CNBD1: variants seen among roughly 807,000 people sequenced by gnomAD.
CNBD1 encodes the protein cyclic nucleotide-binding domain-containing protein 1.
Under a neutral mutation model 54.4 loss-of-function variants are expected in CNBD1, and 71 were observed. The observed-to-expected ratio is 1.30, with a 90% confidence interval of 1.08 to 1.59. The LOEUF is 1.59. Among genes scored for constraint, CNBD1 ranks in the 40% most tolerant of loss-of-function variants. CNBD1 has a pLI of 0.00. For synonymous variants in CNBD1, 182 were observed against 170.7 expected, an observed-to-expected ratio of 1.07 and a Z score of -0.51; for missense variants, 659 against 518.0, an observed-to-expected ratio of 1.27 and a Z score of -2.64.
intron 3 of CNBD1, among the ~76,000 whole-genome samples, chr8:86,929,707 A>G (rs562137780): frequency 6.6e-6 from 1 of 152,324 alleles, no homozygotes; most frequent in South Asian, 2.1e-4. Flanking sequence ...CAGTTGTCTG[A>G]TAGTCATAAA....
rs1053664901 is a variant in CNBD1 at position 87,212,509 on chromosome 8, T to G, written c.577+6371T>G. Among the ~76,000 whole-genome samples the G allele has an allele frequency of 2.0e-5, 3 of 152,118 alleles. No homozygotes were observed. The East Asian group carries it at 5.8e-4, about 29-fold the overall frequency. ...AAAGTGTGATATTGGCATAAATATA[T>G]AGAGAGATCAATGGAACAGATTGAG... On this transcript the variant is annotated intron_variant, in intron 5 of 10. Coordinates refer to ENST00000518476, the MANE Select transcript of CNBD1 (RefSeq NM_173538.3).
intron 4 of CNBD1, among the ~76,000 whole-genome samples, chr8:87,027,966 C>T (rs1349669049): frequency 2.6e-5 from 4 of 152,126 alleles, no homozygotes; most frequent in African/African-American, 7.2e-5. Context: ...AAATTCCTTA[C>T]GAATTTCTCA....
At chr8:87,309,934 A>G (rs1809230020) in intron 8 of CNBD1, among the ~76,000 whole-genome samples, 17 of 152,194 alleles carry the variant, frequency 1.1e-4, no homozygotes, top group Admixed American at 1.1e-3. Flanking sequence ...GTACCTAGAA[A>G]CCCCTAAAAA....
intron 4 of CNBD1, among the ~76,000 whole-genome samples, chr8:87,188,197 A>G (rs1813519914): frequency 6.6e-6 from 1 of 152,100 alleles, no homozygotes; most frequent in Non-Finnish European, 1.5e-5. Flanking sequence ...TCTGGGAAAC[A>G]TTTGCGAATG....
At chr8:87,002,126 T>G (rs1809005368) in intron 4 of CNBD1, among the ~76,000 whole-genome samples, 1 of 152,172 alleles carries the variant, frequency 6.6e-6, no homozygotes, top group Non-Finnish European at 1.5e-5. Flanking sequence ...CTCTTTTCTC[T>G]CATACCTTAT....
intron 4 of CNBD1, among the ~76,000 whole-genome samples, chr8:87,156,182 G>GT (rs763649247): frequency 3.3e-5 from 5 of 150,218 alleles, no homozygotes; most frequent in Non-Finnish European, 7.4e-5. Flanking sequence ...AATAGAAGCT[G>GT]AAGAGTTTCC....
In CNBD1 at chr8:87,354,654, G is replaced by T. The variant is rs532717230; in HGVS notation, c.1303+868G>T. Among the ~76,000 whole-genome samples the T allele has an allele frequency of 1.1e-3, 165 of 151,976 alleles. 2 individuals carry two copies. The highest frequency in any genetic ancestry group is 3.7e-3 in the African/African-American group (154 of 41,460). On this transcript the variant is annotated intron_variant, in intron 10 of 10. Coordinates refer to ENST00000518476, the MANE Select transcript of CNBD1 (RefSeq NM_173538.3). ...TCCCACCTATGAGTGAGAACATGCG[G>T]TGTTTGGTTTTTTGTCCTTGTGATA...
At chr8:87,315,800 G>A (rs556917641) in intron 8 of CNBD1, among the ~76,000 whole-genome samples, 47 of 152,022 alleles carry the variant, frequency 3.1e-4, no homozygotes, top group East Asian at 2.9e-3. Context: ...AGCACAGTAG[G>A]GTGATAATAG....
At chr8:87,046,001 A>G (rs1277615501) in intron 4 of CNBD1, among the ~76,000 whole-genome samples, 6 of 144,396 alleles carry the variant, frequency 4.2e-5, no homozygotes, top group African/African-American at 1.6e-4. Flanking sequence ...AGGTCGTGCC[A>G]CTGCACTCCA....
intron 5 of CNBD1, among the ~76,000 whole-genome samples, chr8:87,220,496 C>T (rs965551298): frequency 2.7e-5 from 4 of 146,812 alleles, no homozygotes; most frequent in Non-Finnish European, 6.0e-5. Context: ...CCTAACTGTC[C>T]AAGTTTTTTT....
intron 8 of CNBD1, among the ~76,000 whole-genome samples, chr8:87,323,804 TG>T: frequency 8.2e-6 from 1 of 122,440 alleles, no homozygotes; most frequent in Admixed American, 7.9e-5. Flanking sequence ...TTCCTTCTCC[TG>T]CCTGATTGCC....
chr8:87,231,501 A>C (rs1336344365), intron 5 of CNBD1, among the ~76,000 whole-genome samples: 1 of 152,166 alleles, frequency 6.6e-6, no homozygotes, highest in Non-Finnish European at 1.5e-5. Flanking sequence ...CAGTTTCCTC[A>C]GTTGTAAAGT....
intron 4 of CNBD1, among the ~76,000 whole-genome samples, chr8:87,124,919 G>T (rs1449678762): frequency 2.6e-5 from 4 of 151,320 alleles, no homozygotes; most frequent in Non-Finnish European, 3.0e-5. Flanking sequence ...TACCCCTAAA[G>T]AATTTGTTAC....
At chr8:86,976,156 T>G (rs1157737017) in intron 4 of CNBD1, among the ~76,000 whole-genome samples, 1 of 151,080 alleles carries the variant, frequency 6.6e-6, no homozygotes, top group Non-Finnish European at 1.5e-5. Context: ...TTTGCAAATA[T>G]TTTCTCTCAG....
At chr8:86,885,340 G>A (rs1237028110) in intron 1 of CNBD1, among the ~76,000 whole-genome samples, 1 of 151,890 alleles carries the variant, frequency 6.6e-6, no homozygotes, top group Non-Finnish European at 1.5e-5. Flanking sequence ...AAAGATAATC[G>A]GTTTTTTAAT....
chr8:87,045,681 C>G (rs7833758), intron 4 of CNBD1, among the ~76,000 whole-genome samples: 29,563 of 146,030 alleles, frequency 0.2, 3,070 homozygotes, highest in Non-Finnish European at 0.23. Flanking sequence ...GCTAAGATTG[C>G]GCCACTGCAC....
chr8:86,987,846 A>T (rs527854227), intron 4 of CNBD1, among the ~76,000 whole-genome samples: 1 of 152,182 alleles, frequency 6.6e-6, no homozygotes, highest in East Asian at 1.9e-4. Context: ...AATAAAGCCT[A>T]CTTACTTGAT....
At chr8:87,294,055 G>A (rs1808831560) in intron 8 of CNBD1, among the ~76,000 whole-genome samples, 2 of 152,066 alleles carry the variant, frequency 1.3e-5, no homozygotes, top group South Asian at 4.1e-4. Flanking sequence ...GAAGAGACCT[G>A]AAAAAGTCAA....
At chr8:87,307,605 G>T (rs1027592936) in intron 8 of CNBD1, among the ~76,000 whole-genome samples, 1 of 151,966 alleles carries the variant, frequency 6.6e-6, no homozygotes, top group Non-Finnish European at 1.5e-5. Context: ...GGGCATGGAG[G>T]CACATGCCTA....
Sources: gnomAD v4.1 joint callset for allele counts (sites outside exome capture counted in the v4.1 genomes callset) on GRCh38, gnomAD v4.1.1 for gene constraint, MANE v1.5 for transcripts, NCBI Gene and HGNC (gene_info 2026-07-23, HGNC 2026-07-21) for gene names.